Variants in RYR2 observed in about 807,000 individuals in gnomAD.
RYR2 encodes the protein ryanodine receptor 2.
RYR2 carries 227 observed loss-of-function variants against 601.1 expected under a neutral mutation model. The observed-to-expected ratio is 0.38, with a 90% CI of 0.34 to 0.42. The LOEUF (loss-of-function observed/expected upper bound fraction) is 0.42, where lower values mean the gene tolerates loss of function less well. Ranked by LOEUF, RYR2 falls within the 10% of genes least tolerant of loss-of-function variation. The probability of loss-of-function intolerance (pLI) is 1.00; values close to 1 mark genes in which losing one functional copy is unlikely to be tolerated. For missense variants in RYR2, 4,646 were observed against 6,156.5 expected (o/e 0.75, Z 8.21); for synonymous variants, 2,223 against 2,175.1 (o/e 1.02, Z -0.61).
At chr1:237,310,759 A>G (rs554101468) in intron 2 of RYR2, among the ~76,000 whole-genome samples, 56 of 152,334 alleles carry the variant, frequency 3.7e-4, no homozygotes, top group African/African-American at 1.3e-3. Flanking sequence ...ATAATGTAAT[A>G]TCTCTTTATA....
At chr1:237,067,515 C>T (rs983971791) in intron 1 of RYR2, among the ~76,000 whole-genome samples, 4 of 152,192 alleles carry the variant, frequency 2.6e-5, no homozygotes, top group African/African-American at 9.6e-5. Flanking sequence ...CCACCAATAC[C>T]ATACAGTGTT....
intron 20 of RYR2, 115 bp from the exon 21 acceptor site, chr1:237,500,596 C>T: frequency 5.1e-6 from 4 of 782,424 alleles, no homozygotes; most frequent in Non-Finnish European, 8.2e-6. Context: ...TTTATTCCTT[C>T]TGATGTTGTG....
chr1:237,140,288 G>A (rs992592317), intron 1 of RYR2, among the ~76,000 whole-genome samples: 1 of 152,150 alleles, frequency 6.6e-6, no homozygotes, highest in African/African-American at 2.4e-5. Context: ...TGCCATCTTG[G>A]TAGGGTAATT....
At chr1:237,319,117 G>A (rs1422695773) in intron 2 of RYR2, among the ~76,000 whole-genome samples, 1 of 151,718 alleles carries the variant, frequency 6.6e-6, no homozygotes, top group African/African-American at 2.4e-5. Flanking sequence ...TTTAGTTATT[G>A]TATTCAAATA....
Position 237,589,980 on chromosome 1 carries a change from A to G in RYR2, c.3786A>G (p.Pro1262=), listed in dbSNP as rs771427991. Residue 1262 remains proline (P), a synonymous_variant, in exon 30 of 105, where the codon CCA becomes CCG. Transcript: ENST00000366574. The part of the protein sequence containing the change: ...SKRLPQFLQV[P]SNHEHIEVTR... The stretch of plus-strand genomic sequence containing the variant: ...GGCTTCCTCAGTTTCTTCAAGTTCC[A>G]TCAAACCATGAACATATAGAGGTTT... The G allele has an allele frequency of 1.2e-6, 2 of 1,613,906 alleles. No homozygotes were observed. Among genetic ancestry groups the G allele is most frequent in the Middle Eastern group, 1.6e-4 (1 of 6,062 alleles).
chr1:237,176,388 C>A (rs1678065538), intron 1 of RYR2, among the ~76,000 whole-genome samples: 3 of 150,812 alleles, frequency 2.0e-5, no homozygotes, highest in African/African-American at 7.3e-5. Flanking sequence ...TGTCTAATTA[C>A]AACTGACAGC....
chr1:237,822,939 G>A (rs1188980335), intron 101 of RYR2, among the ~76,000 whole-genome samples: 2 of 152,080 alleles, frequency 1.3e-5, no homozygotes, highest in African/African-American at 4.8e-5. Flanking sequence ...AAGAGACAAG[G>A]GCATTACATA....
At chr1:237,692,842 T>C (rs1687067659) in intron 63 of RYR2, among the ~76,000 whole-genome samples, 1 of 152,224 alleles carries the variant, frequency 6.6e-6, no homozygotes, top group Non-Finnish European at 1.5e-5. Flanking sequence ...GCCGTGTACT[T>C]TTCCTCCATG....
chr1:237,546,997 T>TATATATATATATATATATATATATA (rs58050661), intron 25 of RYR2, among the ~76,000 whole-genome samples: 16 of 83,298 alleles, frequency 1.9e-4, no homozygotes, highest in South Asian at 7.3e-4. Context: ...ATATATATAT[T>TATATATATATATATATATATATATA]TATTTATTTA....
At chr1:237,827,754 C>G (rs1240390871) in intron 101 of RYR2, among the ~76,000 whole-genome samples, 2 of 151,328 alleles carry the variant, frequency 1.3e-5, no homozygotes, top group African/African-American at 2.4e-5. Flanking sequence ...CTGGCTAACA[C>G]GGTGAAACCC....
chr1:237,427,224 C>G (rs1706264438), intron 12 of RYR2, among the ~76,000 whole-genome samples: 1 of 151,984 alleles, frequency 6.6e-6, no homozygotes, highest in African/African-American at 2.4e-5. Flanking sequence ...CAGATGCAGG[C>G]ATGCAGACAA....
chr1:237,260,850 A>G (rs368519631), intron 1 of RYR2, among the ~76,000 whole-genome samples: 214 of 152,334 alleles, frequency 1.4e-3, no homozygotes, highest in Non-Finnish European at 2.4e-3. Context: ...ATGATAAACA[A>G]TGTGAATTTT....
chr1:237,708,301 A>G (rs1688547989), intron 68 of RYR2, among the ~76,000 whole-genome samples: 1 of 152,122 alleles, frequency 6.6e-6, no homozygotes, highest in Non-Finnish European at 1.5e-5. Context: ...TCTCTTGTAT[A>G]CTTTTCCCCA....
At chr1:237,383,735 T>G (rs1270046689) in intron 8 of RYR2, among the ~76,000 whole-genome samples, 1 of 152,082 alleles carries the variant, frequency 6.6e-6, no homozygotes, top group Non-Finnish European at 1.5e-5. Context: ...GGCCCTTCAA[T>G]CTACATGTTT....
At chr1:237,754,529 A>G (rs546601464) in intron 80 of RYR2, among the ~76,000 whole-genome samples, 13 of 152,320 alleles carry the variant, frequency 8.5e-5, no homozygotes, top group Non-Finnish European at 8.8e-5. Context: ...AGGTCAATAG[A>G]AGAACTTCTT....
chr1:237,380,516 G>A (rs2149806706), intron 8 of RYR2, among the ~76,000 whole-genome samples: 1 of 147,994 alleles, frequency 6.8e-6, no homozygotes, highest in Non-Finnish European at 1.5e-5. Flanking sequence ...GAATAATAAA[G>A]AACTTAACTC....
intron 1 of RYR2, among the ~76,000 whole-genome samples, chr1:237,203,806 G>A (rs1306801293): frequency 6.6e-6 from 1 of 152,066 alleles, no homozygotes; most frequent in Admixed American, 6.5e-5. Flanking sequence ...TCCTAATCAA[G>A]AATATCTCCA....
At chr1:237,262,215 T>C (rs1217200301) in intron 1 of RYR2, among the ~76,000 whole-genome samples, 1 of 148,860 alleles carries the variant, frequency 6.7e-6, no homozygotes, top group Non-Finnish European at 1.5e-5. Context: ...TGGCCTTTCT[T>C]CCATAAATAT....
intron 1 of RYR2, among the ~76,000 whole-genome samples, chr1:237,047,865 C>G (rs1363094574): frequency 1.3e-5 from 2 of 152,290 alleles, no homozygotes; most frequent in South Asian, 2.1e-4. Flanking sequence ...ATGAGCTTAT[C>G]TATGTCACAA....
Sources: gnomAD v4.1 joint callset for allele counts (sites outside exome capture counted in the v4.1 genomes callset) on GRCh38, gnomAD v4.1.1 for gene constraint, MANE v1.5 for transcripts, NCBI Gene and HGNC (gene_info 2026-07-23, HGNC 2026-07-21) for gene names.